GPC6: variants seen among roughly 807,000 people sequenced by gnomAD.
GPC6 encodes glypican 6.
In GPC6, 14 loss-of-function variants were observed where a neutral mutation model predicts 55.2. The observed-to-expected ratio is 0.25, with a 90% CI of 0.17 to 0.40. The LOEUF is 0.40. GPC6 is among the 10% of genes least tolerant of loss of function. The pLI is 1.00. For missense variants in GPC6, 641 were observed against 708.5 expected, an observed-to-expected ratio of 0.90 and a Z score of 1.08; for synonymous variants, 278 against 259.6, an observed-to-expected ratio of 1.07 and a Z score of -0.68.
At chr13:93,447,216 A>T (rs2139296538) in intron 1 of GPC6, among the ~76,000 whole-genome samples, 1 of 152,304 alleles carries the variant, frequency 6.6e-6, no homozygotes, top group East Asian at 1.9e-4. Context: ...TACAGTATAA[A>T]GTTGAGAATT....
intron 4 of GPC6, among the ~76,000 whole-genome samples, chr13:94,173,705 C>T (rs1462509286): frequency 6.6e-6 from 1 of 152,084 alleles, no homozygotes; most frequent in Non-Finnish European, 1.5e-5. Flanking sequence ...TCACTAGTTC[C>T]AGTCACTTAT....
At chr13:93,313,555 G>A (rs17267613) in intron 1 of GPC6, among the ~76,000 whole-genome samples, 3,490 of 152,136 alleles carry the variant, frequency 0.023, 68 homozygotes, top group Non-Finnish European at 0.035. Flanking sequence ...ACTTTATTGT[G>A]AAAACTAGAA....
chr13:93,436,250 T>C (rs1458761595), intron 1 of GPC6, among the ~76,000 whole-genome samples: 1 of 152,110 alleles, frequency 6.6e-6, no homozygotes, highest in Non-Finnish European at 1.5e-5. Context: ...GTAAATGACA[T>C]TGAAATCATC....
At chr13:94,109,167 C>G (rs547962979) in intron 4 of GPC6, among the ~76,000 whole-genome samples, 1 of 152,170 alleles carries the variant, frequency 6.6e-6, no homozygotes, top group Non-Finnish European at 1.5e-5. Context: ...TTGCAATAAG[C>G]AGAGATCGTT....
chr13:93,939,999 T>A (rs1878651581), intron 3 of GPC6, among the ~76,000 whole-genome samples: 1 of 152,206 alleles, frequency 6.6e-6, no homozygotes, highest in Non-Finnish European at 1.5e-5. Context: ...TTATGTAGAT[T>A]AAGTTATATG....
At chr13:93,319,870 A>C (rs991538331) in intron 1 of GPC6, among the ~76,000 whole-genome samples, 6 of 152,146 alleles carry the variant, frequency 3.9e-5, no homozygotes, top group African/African-American at 1.4e-4. Flanking sequence ...TGAAGGATTA[A>C]GAATCCAAGT....
chr13:93,264,511 G>A (rs375758584), intron 1 of GPC6, among the ~76,000 whole-genome samples: 36 of 152,116 alleles, frequency 2.4e-4, no homozygotes, highest in African/African-American at 8.5e-4. Flanking sequence ...CTGGGCTCCA[G>A]TGATCCTCCC....
intron 1 of GPC6, among the ~76,000 whole-genome samples, chr13:93,486,604 G>A (rs1421653077): frequency 6.6e-6 from 1 of 152,070 alleles, no homozygotes; most frequent in Non-Finnish European, 1.5e-5. Flanking sequence ...TAAATATTTT[G>A]GCAACTGACT....
At chr13:93,733,781 T>C (rs960633259) in intron 2 of GPC6, among the ~76,000 whole-genome samples, 5 of 152,118 alleles carry the variant, frequency 3.3e-5, no homozygotes, top group African/African-American at 1.2e-4. Flanking sequence ...GACGATGCCC[T>C]GACTTAGAAA....
At chr13:93,794,478 T>G (rs1886139943) in intron 2 of GPC6, among the ~76,000 whole-genome samples, 1 of 152,136 alleles carries the variant, frequency 6.6e-6, no homozygotes, top group South Asian at 2.1e-4. Flanking sequence ...AATGACTCAG[T>G]TTTTCTAGTT....
chr13:94,267,128 C>T (rs9524391), intron 4 of GPC6, among the ~76,000 whole-genome samples: 43,494 of 151,988 alleles, frequency 0.29, 6,426 homozygotes, highest in Admixed American at 0.39. Flanking sequence ...AAGTCCAGAT[C>T]CAGTCTTCTT....
intron 1 of GPC6, among the ~76,000 whole-genome samples, chr13:93,441,627 C>A (rs942729869): frequency 1.3e-5 from 2 of 152,120 alleles, no homozygotes; most frequent in African/African-American, 4.8e-5. Context: ...TAAAAATTTT[C>A]TCCCATGTTG....
intron 3 of GPC6, among the ~76,000 whole-genome samples, chr13:93,970,794 A>G (rs1880250836): frequency 6.6e-6 from 1 of 152,186 alleles, no homozygotes; most frequent in African/African-American, 2.4e-5. Context: ...AATATTTGTA[A>G]TGTTCAAGTT....
chr13:93,437,907 G>A (rs577961702), intron 1 of GPC6, among the ~76,000 whole-genome samples: 15 of 152,118 alleles, frequency 9.9e-5, no homozygotes, highest in Non-Finnish European at 1.8e-4. Context: ...CAAAGGACAG[G>A]CTGACTCATT....
Position 93,985,093 on chromosome 13 carries a change from A to G in GPC6, c.712-42636A>G, listed in dbSNP as rs537061469. ...TGTAATGTGACTACCTATGGGCCCAAGGTATTTGAGTGAGCCTGACCATCA... is the reference window on the plus strand; with the variant it reads ...TGTAATGTGACTACCTATGGGCCCAGGGTATTTGAGTGAGCCTGACCATCA... On this transcript the variant is annotated intron_variant, in intron 3 of 8. Transcript: ENST00000377047. 4.6e-5 allele frequency among the ~76,000 whole-genome samples: 7 copies of G among 152,228 alleles called. No individual in the cohort carries two copies. The South Asian group carries it at 1.5e-3, about 32-fold the overall frequency.
chr13:93,225,453 T>C (rs7983749), upstream of GPC6, among the ~76,000 whole-genome samples: 1 of 152,062 alleles, frequency 6.6e-6, no homozygotes, highest in Admixed American at 6.5e-5. Context: ...AAAAGTTAAG[T>C]GTGTTGCGTT....
chr13:94,384,700 G>A (rs1004742103), intron 7 of GPC6, among the ~76,000 whole-genome samples: 3 of 152,172 alleles, frequency 2.0e-5, no homozygotes, highest in Admixed American at 1.3e-4. Flanking sequence ...AACTCAGACA[G>A]GGTAAACAAT....
At chr13:93,299,754 C>A (rs1878611245) in intron 1 of GPC6, among the ~76,000 whole-genome samples, 1 of 152,170 alleles carries the variant, frequency 6.6e-6, no homozygotes, top group Non-Finnish European at 1.5e-5. Context: ...AGTTTTATTT[C>A]TGGTGCAGTT....
chr13:93,867,454 A>T (rs995839840), intron 3 of GPC6, among the ~76,000 whole-genome samples: 1 of 151,734 alleles, frequency 6.6e-6, no homozygotes, highest in Non-Finnish European at 1.5e-5. Flanking sequence ...TATCTCTAAA[A>T]TAGGGTTATT....
Sources: allele counts gnomAD v4.1 joint callset (sites outside exome capture counted in the v4.1 genomes callset), GRCh38; gene constraint gnomAD v4.1.1; transcripts MANE v1.5; gene names NCBI Gene and HGNC (gene_info 2026-07-23, HGNC 2026-07-21).